Variants in SLC5A4 observed in about 807,000 individuals in gnomAD.
The protein encoded by SLC5A4 is solute carrier family 5 member 4.
SLC5A4 carries 55 observed loss-of-function variants against 70.3 expected under a neutral mutation model. The observed-to-expected ratio is 0.78, with a 90% CI of 0.63 to 0.98. The LOEUF (loss-of-function observed/expected upper bound fraction) is 0.98, where lower values mean the gene tolerates loss of function less well. Among genes scored for constraint, SLC5A4 ranks in the 50% least tolerant of loss-of-function variants. The probability of loss-of-function intolerance (pLI) is 0.00; values close to 1 mark genes in which losing one functional copy is unlikely to be tolerated. For missense variants in SLC5A4, 735 were observed against 839.2 expected, an observed-to-expected ratio of 0.88 and a Z score of 1.53; for synonymous variants, 268 against 305.7, an observed-to-expected ratio of 0.88 and a Z score of 1.29.
chr22:32,316,562 C>T, the SLC5A4 span, among the ~76,000 whole-genome samples: 1 of 152,116 alleles, frequency 6.6e-6, no homozygotes, highest in Admixed American at 6.5e-5. Flanking sequence ...CAGAGTCTCA[C>T]TCTGTTGCCC....
upstream of SLC5A4, among the ~76,000 whole-genome samples, chr22:32,256,991 G>T (rs1020274983): frequency 6.6e-6 from 1 of 152,222 alleles, no homozygotes; most frequent in African/African-American, 2.4e-5. Context: ...CTGCCAAACT[G>T]TTGTTCACAG....
At chr22:32,317,846 G>A in the SLC5A4 span, among the ~76,000 whole-genome samples, 1 of 152,164 alleles carries the variant, frequency 6.6e-6, no homozygotes, top group Non-Finnish European at 1.5e-5. Flanking sequence ...ATACATAGAA[G>A]GTGGAGGTGA....
chr22:32,280,246 C>T, the SLC5A4 span, among the ~76,000 whole-genome samples: 1 of 151,268 alleles, frequency 6.6e-6, no homozygotes, highest in South Asian at 2.1e-4. Context: ...GAACTCCTGA[C>T]CCCAAGTGAT....
At chr22:32,317,419 G>C in the SLC5A4 span, among the ~76,000 whole-genome samples, 2 of 152,112 alleles carry the variant, frequency 1.3e-5, no homozygotes, top group African/African-American at 4.8e-5. Context: ...AACAGCAGAA[G>C]AAAGGAACTC....
chr22:32,318,005 T>C, the SLC5A4 span, among the ~76,000 whole-genome samples: 1 of 152,114 alleles, frequency 6.6e-6, no homozygotes, highest in Non-Finnish European at 1.5e-5. Context: ...AACCCAGTAG[T>C]CAATTCTCAG....
At chr22:32,261,378 C>G in the SLC5A4 span, among the ~76,000 whole-genome samples, 83 of 152,336 alleles carry the variant, frequency 5.4e-4, no homozygotes, top group African/African-American at 1.9e-3. Context: ...CTCTCTGCAG[C>G]CCCTAGAGCA....
the SLC5A4 span, among the ~76,000 whole-genome samples, chr22:32,339,493 G>A: frequency 6.6e-6 from 1 of 152,184 alleles, no homozygotes; most frequent in Non-Finnish European, 1.5e-5. Context: ...GGGTTTGCTA[G>A]AGTAGAGTAC....
chr22:32,266,440 T>C, the SLC5A4 span, among the ~76,000 whole-genome samples: 1 of 152,192 alleles, frequency 6.6e-6, no homozygotes, highest in African/African-American at 2.4e-5. Context: ...TCAATATGTC[T>C]GCAATAGTCA....
At chr22:32,288,558 T>C in the SLC5A4 span, among the ~76,000 whole-genome samples, 1 of 151,632 alleles carries the variant, frequency 6.6e-6, no homozygotes, top group African/African-American at 2.4e-5. Context: ...TTTTCTTTTT[T>C]TTGTTTTTGT....
chr22:32,266,261 C>A, the SLC5A4 span, among the ~76,000 whole-genome samples: 14 of 152,160 alleles, frequency 9.2e-5, no homozygotes, highest in Admixed American at 8.5e-4. Context: ...GCCAGGGGCC[C>A]GTGTCTTTTG....
the SLC5A4 span, among the ~76,000 whole-genome samples, chr22:32,279,459 A>G: frequency 6.6e-6 from 1 of 152,156 alleles, no homozygotes; most frequent in Admixed American, 6.5e-5. Flanking sequence ...GCAATGAAAC[A>G]AAGCAGGTCA....
chr22:32,258,657 C>T (rs1228140273), upstream of SLC5A4, among the ~76,000 whole-genome samples: 1 of 152,110 alleles, frequency 6.6e-6, no homozygotes, highest in African/African-American at 2.4e-5. Context: ...GGTGCAGCTC[C>T]TATGGAAAAC....
chr22:32,242,664 A>G (rs570810418), intron 5 of SLC5A4, among the ~76,000 whole-genome samples: 1 of 152,240 alleles, frequency 6.6e-6, no homozygotes, highest in South Asian at 2.1e-4. Flanking sequence ...AACTGAGGTC[A>G]CACCACTGCA....
the SLC5A4 span, among the ~76,000 whole-genome samples, chr22:32,286,226 A>G: frequency 1.3e-5 from 2 of 152,232 alleles, no homozygotes; most frequent in African/African-American, 4.8e-5. Flanking sequence ...CATATATTTT[A>G]TATTCTAATC....
intron 5 of SLC5A4, among the ~76,000 whole-genome samples, chr22:32,241,925 T>C (rs565895109): frequency 3.6e-4 from 54 of 151,812 alleles, no homozygotes; most frequent in African/African-American, 1.3e-3. Flanking sequence ...GGATTCTCAG[T>C]TGTGGAAGAG....
the SLC5A4 span, among the ~76,000 whole-genome samples, chr22:32,277,721 G>A: frequency 6.6e-6 from 1 of 151,944 alleles, no homozygotes; most frequent in Non-Finnish European, 1.5e-5. Context: ...CTAATTTTTT[G>A]TATTTTTTAG....
At chr22:32,336,956 T>A in the SLC5A4 span, among the ~76,000 whole-genome samples, 1 of 152,192 alleles carries the variant, frequency 6.6e-6, no homozygotes, top group Non-Finnish European at 1.5e-5. Context: ...CTGGGCTGCA[T>A]CCATACAATG....
the SLC5A4 span, among the ~76,000 whole-genome samples, chr22:32,311,378 G>A: frequency 6.6e-6 from 1 of 152,226 alleles, no homozygotes; most frequent in African/African-American, 2.4e-5. Context: ...CCTGAGCTAA[G>A]AACTGGGGGA....
chr22:32,299,014 C>T, the SLC5A4 span, among the ~76,000 whole-genome samples: 1 of 139,544 alleles, frequency 7.2e-6, no homozygotes, highest in Non-Finnish European at 1.5e-5. Context: ...GGGTTTCTGC[C>T]GAGAGATCCG....
Sources: gnomAD v4.1 joint callset for allele counts (sites outside exome capture counted in the v4.1 genomes callset) on GRCh38, gnomAD v4.1.1 for gene constraint, MANE v1.5 for transcripts, NCBI Gene and HGNC (gene_info 2026-07-23, HGNC 2026-07-21) for gene names.